The following GRID2 variants were observed in gnomAD, a reference collection of about 807,000 sequenced individuals.
The protein encoded by GRID2 is glutamate ionotropic receptor delta type subunit 2, also known as glutamate receptor ionotropic, delta-2.
In GRID2, 33 loss-of-function variants were observed where a neutral mutation model predicts 114.8. That is an observed-to-expected ratio of 0.29 (90% CI 0.22 to 0.38). GRID2 has a LOEUF of 0.38. GRID2 is among the 10% of genes least tolerant of loss of function. The pLI is 1.00. For missense variants in GRID2, 1,184 were observed against 1,257.7 expected (o/e 0.94, Z 0.89); for synonymous variants, 505 against 449.9 (o/e 1.12, Z -1.55).
chr4:93,334,726 C>A (rs1386300803), intron 8 of GRID2, among the ~76,000 whole-genome samples: 1 of 152,042 alleles, frequency 6.6e-6, no homozygotes, highest in African/African-American at 2.4e-5. Flanking sequence ...GTGAGGAGTT[C>A]AACACTAGCC....
At position 92,645,917 on chromosome 4, in the gene GRID2, A is replaced by T. The variant is rs1371761085; in HGVS notation, c.244+55631A>T. 3.3e-5 allele frequency among the ~76,000 whole-genome samples: 5 copies of T among 151,826 alleles called. No individual in the cohort carries two copies. In the East Asian group the frequency reaches 9.7e-4, roughly 29 times the overall value. On this transcript the variant is annotated intron_variant, in intron 2 of 15. Coordinates refer to ENST00000282020, the MANE Select transcript of GRID2 (RefSeq NM_001510.4). ...GGCTCTTATGAATAAGCTGCCGCAA[A>T]TATCTTTAGAGAAGTCATCTTATGT...
At chr4:93,218,870 A>T (rs1456018393) in intron 6 of GRID2, among the ~76,000 whole-genome samples, 4 of 152,164 alleles carry the variant, frequency 2.6e-5, no homozygotes, top group Admixed American at 6.6e-5. Flanking sequence ...AGCAGGTAAG[A>T]CAAGTGCTGA....
chr4:93,339,050 T>C (rs535595867), intron 8 of GRID2, among the ~76,000 whole-genome samples: 2 of 152,246 alleles, frequency 1.3e-5, no homozygotes, highest in Non-Finnish European at 2.9e-5. Flanking sequence ...GTCCATGTGG[T>C]GAGGGTCTGA....
chr4:93,688,608 C>T (rs769554573), intron 14 of GRID2, among the ~76,000 whole-genome samples: 2 of 151,944 alleles, frequency 1.3e-5, no homozygotes, highest in Non-Finnish European at 1.5e-5. Context: ...AAATATACCT[C>T]TACATAGAAA....
At chr4:93,255,298 T>C (rs1269305813) in intron 8 of GRID2, among the ~76,000 whole-genome samples, 1 of 152,168 alleles carries the variant, frequency 6.6e-6, no homozygotes, top group Non-Finnish European at 1.5e-5. Context: ...TTTTGTGGGT[T>C]GAATGGCTTT....
intron 8 of GRID2, among the ~76,000 whole-genome samples, chr4:93,262,559 T>G (rs1336531250): frequency 6.6e-6 from 1 of 152,006 alleles, no homozygotes; most frequent in Non-Finnish European, 1.5e-5. Context: ...AATCAATTGC[T>G]TCTTTTTGTC....
intron 8 of GRID2, among the ~76,000 whole-genome samples, chr4:93,268,102 C>CT (rs921630058): frequency 6.6e-6 from 1 of 152,160 alleles, no homozygotes; most frequent in African/African-American, 2.4e-5. Context: ...TGCCCATTTT[C>CT]TTTTTTCTGT....
intron 2 of GRID2, among the ~76,000 whole-genome samples, chr4:92,974,958 C>T (rs1460355255): frequency 6.6e-6 from 1 of 151,592 alleles, no homozygotes; most frequent in Non-Finnish European, 1.5e-5. Context: ...GAGATCTACA[C>T]CATCCTGGCT....
chr4:93,516,676 G>A (rs927421881), intron 13 of GRID2, among the ~76,000 whole-genome samples: 3 of 152,096 alleles, frequency 2.0e-5, no homozygotes, highest in African/African-American at 7.2e-5. Flanking sequence ...ATGGATCCAA[G>A]TGGGTGAATG....
At chr4:93,348,809 C>T (rs748469443) in intron 8 of GRID2, among the ~76,000 whole-genome samples, 7 of 152,092 alleles carry the variant, frequency 4.6e-5, no homozygotes, top group Non-Finnish European at 7.4e-5. Flanking sequence ...TAAAAAGATG[C>T]TTGGTTTTAT....
At chr4:92,330,581 G>A (rs1726831014) in intron 1 of GRID2, among the ~76,000 whole-genome samples, 1 of 152,072 alleles carries the variant, frequency 6.6e-6, no homozygotes, top group African/African-American at 2.4e-5. Context: ...TATTCATAGA[G>A]ACAATAATTG....
At chr4:92,609,652 C>T (rs1729628965) in intron 2 of GRID2, among the ~76,000 whole-genome samples, 1 of 150,616 alleles carries the variant, frequency 6.6e-6, no homozygotes, top group African/African-American at 2.4e-5. Flanking sequence ...TAGTAGATCA[C>T]TATAATTTTT....
intron 2 of GRID2, among the ~76,000 whole-genome samples, chr4:92,873,687 A>G (rs1745433187): frequency 1.3e-5 from 2 of 152,066 alleles, no homozygotes; most frequent in African/African-American, 4.8e-5. Flanking sequence ...TAGTTTAAAC[A>G]TCCTCTAATT....
At chr4:93,185,263 A>G (rs1422280088) in intron 4 of GRID2, among the ~76,000 whole-genome samples, 2 of 152,198 alleles carry the variant, frequency 1.3e-5, no homozygotes, top group African/African-American at 4.8e-5. Flanking sequence ...TCTATGTGGT[A>G]AGAAATGTTT....
intron 2 of GRID2, among the ~76,000 whole-genome samples, chr4:92,751,466 C>CA (rs139826742): frequency 0.023 from 3,489 of 151,998 alleles, 100 homozygotes; most frequent in East Asian, 0.12. Flanking sequence ...GAAATTAGTC[C>CA]AAAAAGGCTG....
intron 2 of GRID2, among the ~76,000 whole-genome samples, chr4:92,753,576 C>G (rs546867991): frequency 1.6e-4 from 25 of 152,218 alleles, no homozygotes; most frequent in Admixed American, 1.4e-3. Context: ...AGGATGGCTG[C>G]AAGTATTAGA....
At chr4:93,600,236 A>G (rs1207679985) in intron 13 of GRID2, among the ~76,000 whole-genome samples, 1 of 151,828 alleles carries the variant, frequency 6.6e-6, no homozygotes, top group Non-Finnish European at 1.5e-5. Flanking sequence ...TACAAAAACA[A>G]AAAAAATTCT....
intron 13 of GRID2, among the ~76,000 whole-genome samples, chr4:93,589,169 T>C (rs1737871342): frequency 6.6e-6 from 1 of 151,386 alleles, no homozygotes; most frequent in African/African-American, 2.4e-5. Context: ...TCATCTAGCA[T>C]TAGGTATATC....
chr4:92,346,063 T>G (rs186439001), intron 1 of GRID2, among the ~76,000 whole-genome samples: 59 of 152,316 alleles, frequency 3.9e-4, no homozygotes, highest in African/African-American at 1.3e-3. Flanking sequence ...CACTACTGAT[T>G]GGGAAACTAC....
Sources: gnomAD v4.1 joint callset for allele counts (sites outside exome capture counted in the v4.1 genomes callset) on GRCh38, gnomAD v4.1.1 for gene constraint, MANE v1.5 for transcripts, NCBI Gene and HGNC (gene_info 2026-07-23, HGNC 2026-07-21) for gene names.